CYTH3: variants seen among roughly 807,000 people sequenced by gnomAD.
CYTH3 encodes the protein cytohesin-3.
Under a neutral mutation model 55.1 loss-of-function variants are expected in CYTH3, and 23 were observed. The ratio of observed to expected loss-of-function variants is 0.42; its 90% confidence interval spans 0.30 to 0.59. The LOEUF is 0.59. Among genes scored for constraint, CYTH3 ranks in the 20% least tolerant of loss-of-function variants. The probability of loss-of-function intolerance (pLI) is 0.20; values close to 1 mark genes in which losing one functional copy is unlikely to be tolerated. For synonymous variants in CYTH3, 249 were observed against 194.9 expected, an observed-to-expected ratio of 1.28 and a Z score of -2.31; for missense variants, 413 against 524.8, an observed-to-expected ratio of 0.79 and a Z score of 2.08.
At chr7:6,219,003 C>CA (rs35386425) in intron 1 of CYTH3, among the ~76,000 whole-genome samples, 1,588 of 73,486 alleles carry the variant, frequency 0.022, 21 homozygotes, top group South Asian at 0.04. Context: ...GACTCCGTCT[C>CA]AAAAAAAAAA....
At chr7:6,175,514 G>C (rs1783323587) in intron 5 of CYTH3, among the ~76,000 whole-genome samples, 3 of 140,408 alleles carry the variant, frequency 2.1e-5, no homozygotes. Context: ...CCTTATGCCA[G>C]TCTTACAATG....
At position 6,266,327 on chromosome 7, in the gene CYTH3, C is replaced by G. The variant is rs574415589; in HGVS notation, c.34+6147G>C. The stretch of plus-strand genomic sequence containing the variant: ...ATTTCAGACCAATTACTTAGCTTCC[C>G]TATGCCTCCATTTTCCAATCTGAAA... On this transcript the variant is annotated intron_variant, in intron 1 of 12. Transcript: ENST00000350796. 2.0e-5 allele frequency among the ~76,000 whole-genome samples: 3 copies of G among 152,262 alleles called. No individual in the cohort carries two copies. In the South Asian group the frequency reaches 6.2e-4, roughly 32 times the overall value.
At chr7:6,269,636 T>C (rs754045375) in intron 1 of CYTH3, among the ~76,000 whole-genome samples, 8 of 152,042 alleles carry the variant, frequency 5.3e-5, no homozygotes, top group Non-Finnish European at 1.2e-4. Flanking sequence ...CAAAGTCCCA[T>C]AGGAATTAAA....
intron 2 of CYTH3, among the ~76,000 whole-genome samples, chr7:6,187,968 G>A (rs945804250): frequency 7.2e-5 from 11 of 152,038 alleles, no homozygotes. Context: ...CCACTCTGCA[G>A]ATCCTAGGGT....
chr7:6,203,149 C>T (rs1784098032), intron 1 of CYTH3, among the ~76,000 whole-genome samples: 1 of 148,046 alleles, frequency 6.8e-6, no homozygotes. Context: ...ATATATAAAG[C>T]AAAAATTGAC....
chr7:6,179,753 AC>A (rs1783445995), intron 4 of CYTH3, among the ~76,000 whole-genome samples: 1 of 84,254 alleles, frequency 1.2e-5, no homozygotes, highest in Non-Finnish European at 2.2e-5. Context: ...CACACCCCAC[AC>A]CCCCACCACA....
chr7:6,198,753 C>T (rs1359662123), intron 1 of CYTH3, among the ~76,000 whole-genome samples: 2 of 149,852 alleles, frequency 1.3e-5, no homozygotes, highest in East Asian at 4.0e-4. Context: ...AAAACTTCCC[C>T]TCCAACCTCA....
chr7:6,271,583 A>T (rs1780659027), intron 1 of CYTH3, among the ~76,000 whole-genome samples: 1 of 152,138 alleles, frequency 6.6e-6, no homozygotes. Context: ...CACTCCATAC[A>T]GAGGCACGTT....
At chr7:6,228,421 G>C (rs947775843) in intron 1 of CYTH3, among the ~76,000 whole-genome samples, 3 of 152,180 alleles carry the variant, frequency 2.0e-5, no homozygotes, top group Admixed American at 6.5e-5. Context: ...GAGTCTTCTA[G>C]GGGGAGGGGA....
At chr7:6,166,078 T>C (rs1371248079) in intron 9 of CYTH3, among the ~76,000 whole-genome samples, 1 of 152,152 alleles carries the variant, frequency 6.6e-6, no homozygotes, top group African/African-American at 2.4e-5. Flanking sequence ...GTGGGATGGA[T>C]GGCGTCATTT....
rs980235801 is a variant in CYTH3, at chr7:6,169,752, C to T, written c.823+783G>A. The stretch of plus-strand genomic sequence containing the variant: ...AGAGCACTCCCGAAATCTCTCCATG[C>T]GCTGCTGGGTTAGTATGGGGTGGAG... On this transcript the variant is annotated intron_variant, in intron 9 of 12. Coordinates refer to ENST00000350796, the MANE Select transcript of CYTH3 (RefSeq NM_004227.4). The surrounding 1 kb of genome is among the most constrained non-coding windows in gnomAD (Gnocchi z 4.1). 7.9e-5 allele frequency among the ~76,000 whole-genome samples: 12 copies of T among 152,272 alleles called. No homozygotes were observed. The highest frequency in any genetic ancestry group is 1.4e-4 in the African/African-American group (6 of 41,550).
At chr7:6,234,830 C>T (rs944432052) in intron 1 of CYTH3, among the ~76,000 whole-genome samples, 5 of 152,118 alleles carry the variant, frequency 3.3e-5, no homozygotes, top group East Asian at 1.9e-4. Context: ...GGACTTCCTG[C>T]TAATTGGTAA....
intron 5 of CYTH3, among the ~76,000 whole-genome samples, chr7:6,177,281 A>G (rs1783376338): frequency 6.6e-6 from 1 of 152,246 alleles, no homozygotes; most frequent in South Asian, 2.1e-4. Flanking sequence ...GCTTTTGTTT[A>G]AAAACACTTT....
At chr7:6,190,034 T>C (rs1216229570) in intron 2 of CYTH3, among the ~76,000 whole-genome samples, 2 of 152,062 alleles carry the variant, frequency 1.3e-5, no homozygotes, top group Non-Finnish European at 2.9e-5. Context: ...AGACTCTGTC[T>C]CAAAAAAGCA....
intron 1 of CYTH3, among the ~76,000 whole-genome samples, chr7:6,236,073 T>C (rs1009288287): frequency 3.3e-5 from 5 of 152,218 alleles, no homozygotes; most frequent in African/African-American, 1.2e-4. Context: ...CCTGACTACC[T>C]GATACTTAAC....
At chr7:6,186,678 C>CT (rs1291355920) in intron 4 of CYTH3, among the ~76,000 whole-genome samples, 1 of 152,186 alleles carries the variant, frequency 6.6e-6, no homozygotes, top group Non-Finnish European at 1.5e-5. Context: ...ACCCCTGCTC[C>CT]TTCCTAGTCA....
At chr7:6,236,229 A>C (rs745365423) in intron 1 of CYTH3, among the ~76,000 whole-genome samples, 2 of 152,112 alleles carry the variant, frequency 1.3e-5, no homozygotes, top group African/African-American at 2.4e-5. Context: ...TGTGAGACAG[A>C]GTCTTGCTTT....
Position 6,259,772 on chromosome 7 carries a change from T to TATATAATAAA in CYTH3, c.34+12701_34+12702insTTTATTATAT, listed in dbSNP as rs1491219669. 1.3e-4 allele frequency among the ~76,000 whole-genome samples: 4 copies of TATATAATAAA among 30,502 alleles called. No individual in the cohort carries two copies. In the South Asian group the frequency reaches 4.1e-3, roughly 31 times the overall value. 20.0% of individuals were successfully genotyped at this position (30,502 alleles called of 152,430 possible). A position where few individuals can be genotyped will look rare whatever the true frequency, so the allele number is the denominator to read the frequency against. On this transcript the variant is annotated intron_variant, in intron 1 of 12. Coordinates refer to ENST00000350796, the MANE Select transcript of CYTH3 (RefSeq NM_004227.4). ...TATATATATATTATATATATATATA[T>TATATAATAAA]TATATATATATAATATATATATATA...
intron 1 of CYTH3, 64 bp downstream of exon 1, chr7:6,272,410 G>GGGCC: frequency 1.6e-6 from 2 of 1,216,618 alleles, no homozygotes; most frequent in Non-Finnish European, 2.1e-6. Flanking sequence ...CCGCGCCCTC[G>GGGCC]ACCCCCAGCC....
Sources: allele counts gnomAD v4.1 joint callset (sites outside exome capture counted in the v4.1 genomes callset), GRCh38; gene constraint gnomAD v4.1.1; non-coding constraint Gnocchi (gnomAD v3.1); transcripts MANE v1.5; gene names NCBI Gene and HGNC (gene_info 2026-07-23, HGNC 2026-07-21).